Variants in PPP1R12B observed in about 807,000 individuals in gnomAD.
PPP1R12B encodes myosin phosphatase target subunit 2.
A neutral mutation model predicts 126.1 loss-of-function variants in PPP1R12B; 76 were observed. The observed-to-expected ratio is 0.60, with a 90% CI of 0.50 to 0.73. PPP1R12B has a LOEUF of 0.73. PPP1R12B is among the 30% of genes least tolerant of loss of function. PPP1R12B has a pLI of 0.00. For missense variants in PPP1R12B, 1,052 were observed against 1,205.1 expected (o/e 0.87, Z 1.88); for synonymous variants, 356 against 434.7 (o/e 0.82, Z 2.25).
Position 202,508,965 on chromosome 1 carries a change from G to A in PPP1R12B, c.2490+12143G>A, listed in dbSNP as rs1681119868. Among the ~76,000 whole-genome samples the A allele has an allele frequency of 6.6e-6, 1 of 152,222 alleles. No homozygotes were observed. Among genetic ancestry groups the A allele is most frequent in the Non-Finnish European group, 1.5e-5 (1 of 68,036 alleles). ...TCTGTTGCAATGACTGAACTCCACT[G>A]TTGTAATGGGAAAGCAGCCACAGAC... is the stretch of plus-strand genomic sequence containing the variant. On this transcript the variant is annotated intron_variant, in intron 18 of 23. Coordinates refer to ENST00000608999, the MANE Select transcript of PPP1R12B (RefSeq NM_002481.4). The surrounding 1 kb of genome is among the most constrained non-coding windows in gnomAD (Gnocchi z 4.5).
rs575259391 is a variant in PPP1R12B at position 202,405,336 on chromosome 1, T to C, written c.292-11451T>C. Among the ~76,000 whole-genome samples the C allele has an allele frequency of 5.6e-4, 85 of 152,260 alleles. No individual in the cohort carries two copies. In the South Asian group the frequency reaches 0.01, roughly 18 times the overall value. On this transcript the variant is annotated intron_variant, in intron 1 of 23. Transcript: ENST00000608999. ...CCTAACTTAAATTAACTTTTATCTC[T>C]TATGAATGAAACCTGACTGTGATCT...
chr1:202,395,611 A>G (rs552972615), intron 1 of PPP1R12B, among the ~76,000 whole-genome samples: 1 of 152,338 alleles, frequency 6.6e-6, no homozygotes, highest in South Asian at 2.1e-4. Flanking sequence ...CCTCTAATGC[A>G]TCTGGCTTTT....
intron 1 of PPP1R12B, among the ~76,000 whole-genome samples, chr1:202,409,114 C>T (rs1463209832): frequency 1.3e-5 from 2 of 152,038 alleles, no homozygotes; most frequent in East Asian, 3.9e-4. Flanking sequence ...GCTAGAATTA[C>T]AGGCATGAGC....
At chr1:202,438,551 C>A in intron 10 of PPP1R12B, 1 of 430,416 alleles carries the variant, frequency 2.3e-6, no homozygotes, top group Non-Finnish European at 4.4e-6. Flanking sequence ...ATGGGACAGC[C>A]CCCGGTGGAA....
At chr1:202,404,211 A>G (rs1666255809) in intron 1 of PPP1R12B, among the ~76,000 whole-genome samples, 1 of 152,154 alleles carries the variant, frequency 6.6e-6, no homozygotes, top group South Asian at 2.1e-4. Context: ...CTGTCAACGT[A>G]TCCTACCAGC....
In PPP1R12B at chr1:202,449,143, T is replaced by A. The variant is rs936187023; in HGVS notation, c.1822T>A (p.Ser608Thr). The A allele has an allele frequency of 1.2e-6, 2 of 1,611,594 alleles. No homozygotes were observed. Among genetic ancestry groups the A allele is most frequent in the Admixed American group, 3.4e-5 (2 of 59,506 alleles). The change falls in exon 13 of 24, where the codon TCC (serine) becomes ACC (threonine). Residue 608 changes from serine to threonine, a missense_variant. Ser to Thr is a moderately conservative substitution (Grantham distance 58). Coordinates refer to ENST00000608999, the MANE Select transcript of PPP1R12B (RefSeq NM_002481.4). Reference sequence around the variant, plus strand: ...TGTGCTCTCCATTACTGGAACAGATTCCTCTGTGGAAGCCAGGGAGAAGAG... The same window carrying A: ...TGTGCTCTCCATTACTGGAACAGATACCTCTGTGGAAGCCAGGGAGAAGAG... ...TPVLSITGTD[S>T]SVEAREKRRS...
chr1:202,537,061 A>G (rs1305046018), intron 18 of PPP1R12B, among the ~76,000 whole-genome samples: 3 of 152,260 alleles, frequency 2.0e-5, no homozygotes, highest in African/African-American at 4.8e-5. Context: ...GGTAAATACC[A>G]GGTTAGGCCG....
intron 18 of PPP1R12B, among the ~76,000 whole-genome samples, chr1:202,557,637 TC>T (rs1418452757): frequency 1.3e-5 from 2 of 152,204 alleles, no homozygotes; most frequent in Non-Finnish European, 2.9e-5. Flanking sequence ...TACAGCAGAA[TC>T]ACCTGGGGTA....
At chr1:202,460,889 A>G (rs933696332) in intron 13 of PPP1R12B, among the ~76,000 whole-genome samples, 8 of 152,312 alleles carry the variant, frequency 5.3e-5, no homozygotes, top group African/African-American at 1.4e-4. Context: ...CAGGCTGAAT[A>G]TGCCTTACAA....
intron 12 of PPP1R12B, chr1:202,445,164 C>A (rs771458532): frequency 2.1e-5 from 26 of 1,246,744 alleles, no homozygotes; most frequent in Non-Finnish European, 2.6e-5. Flanking sequence ...CAGCCAGTGG[C>A]AACCTGCCTC....
At chr1:202,439,586 AC>A (rs1242237526) in intron 10 of PPP1R12B, 1 of 1,247,758 alleles carries the variant, frequency 8.0e-7, no homozygotes. Flanking sequence ...GGTGGCCGCC[AC>A]CCCCTCTGTA....
At chr1:202,439,346 C>T (rs1294553735) in intron 10 of PPP1R12B, 3 of 1,362,046 alleles carry the variant, frequency 2.2e-6, no homozygotes, top group African/African-American at 1.4e-5. Flanking sequence ...AACCTTCCAA[C>T]AAGACGATCC....
At chr1:202,439,765 G>A (rs1470525419) in intron 10 of PPP1R12B, 119 of 510,884 alleles carry the variant, frequency 2.3e-4, no homozygotes, top group African/African-American at 1.9e-3. Flanking sequence ...GAGTGAGGGG[G>A]ACCTCATTCC....
At chr1:202,426,270 C>T (rs960071880) in intron 4 of PPP1R12B, among the ~76,000 whole-genome samples, 3 of 152,042 alleles carry the variant, frequency 2.0e-5, no homozygotes, top group Non-Finnish European at 2.9e-5. Flanking sequence ...ACATGGGTTG[C>T]CAAAGGCATT....
At chr1:202,470,070 AGC>A (rs1675628061) in intron 13 of PPP1R12B, among the ~76,000 whole-genome samples, 1 of 152,180 alleles carries the variant, frequency 6.6e-6, no homozygotes, top group Non-Finnish European at 1.5e-5. Flanking sequence ...TGATTACAGG[AGC>A]TGGAGACCGA....
chr1:202,413,293 C>A (rs892732683), intron 1 of PPP1R12B, among the ~76,000 whole-genome samples: 1 of 152,074 alleles, frequency 6.6e-6, no homozygotes, highest in African/African-American at 2.4e-5. Context: ...TAAATGAAAT[C>A]ACCCTTTTTT....
At chr1:202,434,971 CAG>C (rs1353485979) in intron 9 of PPP1R12B, among the ~76,000 whole-genome samples, 60 of 152,264 alleles carry the variant, frequency 3.9e-4, no homozygotes, top group African/African-American at 1.4e-3. Flanking sequence ...TGGGAAGTCT[CAG>C]ATCAAGGTAC....
chr1:202,491,560 TA>T (rs1207830299), intron 14 of PPP1R12B, among the ~76,000 whole-genome samples: 1 of 152,054 alleles, frequency 6.6e-6, no homozygotes, highest in African/African-American at 2.4e-5. Context: ...ATTTATTGAA[TA>T]AAAAAATGAG....
At position 202,438,927 on chromosome 1, in the gene PPP1R12B, C is replaced by T; in HGVS notation, c.1458+903C>T. The T allele has an allele frequency of 7.2e-6, 11 of 1,529,662 alleles. No individual in the cohort carries two copies. In the South Asian group the frequency reaches 1.1e-4, roughly 16 times the overall value. 94.8% of individuals were successfully genotyped at this position (1,529,662 alleles called of 1,614,324 possible). ...CACGCGGCCCTGTGCCTGGAGGTGA[C>T]CCCGAAGACGGCCGTGGACTGGCCT... On this transcript the variant is annotated intron_variant, in intron 10 of 23. Coordinates refer to ENST00000608999, the MANE Select transcript of PPP1R12B (RefSeq NM_002481.4).
Sources: gnomAD v4.1 joint callset for allele counts (sites outside exome capture counted in the v4.1 genomes callset) on GRCh38, gnomAD v4.1.1 for gene constraint, Gnocchi (gnomAD v3.1) non-coding constraint, MANE v1.5 for transcripts, NCBI Gene and HGNC (gene_info 2026-07-23, HGNC 2026-07-21) for gene names.